The following TLL1 variants were observed in gnomAD, a reference collection of about 807,000 sequenced individuals.
TLL1 encodes tolloid like 1.
A neutral mutation model predicts 128.2 loss-of-function variants in TLL1; 49 were observed. That is an observed-to-expected ratio of 0.38 (90% CI 0.30 to 0.48). TLL1 has a LOEUF of 0.48. Ranked by LOEUF, TLL1 falls within the 20% of genes least tolerant of loss-of-function variation. The probability of loss-of-function intolerance (pLI) is 0.96; values close to 1 mark genes in which losing one functional copy is unlikely to be tolerated. For synonymous variants in TLL1, 454 were observed against 418.8 expected (o/e 1.08, Z -1.03); for missense variants, 1,123 against 1,242.0 (o/e 0.90, Z 1.44).
intron 1 of TLL1, among the ~76,000 whole-genome samples, chr4:165,880,842 T>C (rs972616652): frequency 2.6e-5 from 4 of 152,220 alleles, no homozygotes; most frequent in Non-Finnish European, 5.9e-5. Context: ...AGCACATGGA[T>C]TGTGTACCAC....
At chr4:166,049,756 T>C (rs1343256714) in intron 12 of TLL1, among the ~76,000 whole-genome samples, 1 of 151,316 alleles carries the variant, frequency 6.6e-6, no homozygotes, top group African/African-American at 2.4e-5. Context: ...TTTTATTCAA[T>C]GTTCCTTTTG....
intron 12 of TLL1, among the ~76,000 whole-genome samples, chr4:166,048,238 G>GAAAAAA (rs56801648): frequency 9.9e-6 from 1 of 100,678 alleles, no homozygotes; most frequent in Admixed American, 1.2e-4. Context: ...TTCCGTCTCG[G>GAAAAAA]AAAAAAAAAA....
chr4:166,007,215 G>C (rs28420204), intron 6 of TLL1, among the ~76,000 whole-genome samples: 401 of 151,584 alleles, frequency 2.6e-3, no homozygotes, highest in African/African-American at 9.1e-3. Flanking sequence ...TTCAAATTTC[G>C]AGAAATAATA....
In TLL1 at chr4:166,103,803, T is replaced by G. The variant is rs1742391512; in HGVS notation, c.*2927T>G. ...CCACCCTACATCAGTATATTGGTTG[T>G]GCTTTATATTTGCCAAAGTCCTAAC... is the stretch of plus-strand genomic sequence containing the variant. On this transcript the variant is annotated 3_prime_UTR_variant, in exon 21 of 21. Coordinates refer to ENST00000061240, the MANE Select transcript of TLL1 (RefSeq NM_012464.5). 1 of 150,484 alleles carries G rather than the reference T, an allele frequency of 6.6e-6. No homozygotes were observed. The highest frequency in any genetic ancestry group is 1.5e-5 in the Non-Finnish European group (1 of 67,662). The allele number at this position is 150,484 out of a possible 1,614,324, so 9.3% of individuals were successfully genotyped here.
At chr4:166,029,625 G>A (rs936771668) in intron 9 of TLL1, among the ~76,000 whole-genome samples, 3 of 151,830 alleles carry the variant, frequency 2.0e-5, no homozygotes, top group East Asian at 1.9e-4. Flanking sequence ...TTTTCATCTC[G>A]CAAAACTGCA....
chr4:165,995,239 A>C lies in TLL1; in HGVS notation c.632+61A>C, dbSNP rs2111019664. 6.8e-6 allele frequency: 8 copies of C among 1,168,050 alleles called. No homozygotes were observed. The South Asian group carries it at 9.8e-5, about 14-fold the overall frequency. 72.4% of individuals were successfully genotyped at this position (1,168,050 alleles called of 1,614,324 possible). ...AAAAAAATTAAAAGGAAAACAATTA[A>C]ATGTCCATAGGTAAGATTTATTTCT... On this transcript the variant is annotated intron_variant, in intron 5 of 20. Coordinates refer to ENST00000061240, the MANE Select transcript of TLL1 (RefSeq NM_012464.5).
At chr4:166,021,742 T>C (rs776564370) in intron 8 of TLL1, among the ~76,000 whole-genome samples, 11 of 152,184 alleles carry the variant, frequency 7.2e-5, no homozygotes, top group Non-Finnish European at 1.6e-4. Flanking sequence ...ATTTTTGCCC[T>C]CTTAGTATCT....
chr4:166,097,260 T>C (rs909628572), intron 19 of TLL1, among the ~76,000 whole-genome samples: 1 of 152,086 alleles, frequency 6.6e-6, no homozygotes, highest in South Asian at 2.1e-4. Flanking sequence ...AAAACCACCG[T>C]AGTGGGAAAG....
intron 1 of TLL1, among the ~76,000 whole-genome samples, chr4:165,925,748 G>A (rs1436433896): frequency 1.3e-5 from 2 of 152,174 alleles, no homozygotes; most frequent in East Asian, 3.9e-4. Flanking sequence ...CCTTGTGAAA[G>A]AGTCAATTGA....
At chr4:165,897,662 CTTTTTT>C (rs951819686) in intron 1 of TLL1, among the ~76,000 whole-genome samples, 1 of 47,542 alleles carries the variant, frequency 2.1e-5, no homozygotes, top group Non-Finnish European at 3.5e-5. Flanking sequence ...GGTAGTCCAG[CTTTTTT>C]TTTTTTTTTT....
rs75507513 is a variant in TLL1, at chr4:165,991,792, C to A, written c.281-1012C>A. On this transcript the variant is annotated intron_variant, in intron 2 of 20. Transcript: ENST00000061240. ...GTTGTCGTCGTGGAATTATAGCTTTCTTTGTCTTAGCCCAAAGATACTCTA... is the reference window on the plus strand; with the variant it reads ...GTTGTCGTCGTGGAATTATAGCTTTATTTGTCTTAGCCCAAAGATACTCTA... 3.8e-3 allele frequency among the ~76,000 whole-genome samples: 571 copies of A among 152,038 alleles called. 14 individuals carry two copies. The East Asian group carries it at 0.059, about 16-fold the overall frequency.
At chr4:166,069,310 A>C (rs1740708604) in intron 16 of TLL1, among the ~76,000 whole-genome samples, 1 of 151,868 alleles carries the variant, frequency 6.6e-6, no homozygotes, top group African/African-American at 2.4e-5. Flanking sequence ...TGTTCTAAAA[A>C]TTTCCGAAGT....
Position 166,049,074 on chromosome 4 carries a change from C to T in TLL1, c.1524+5655C>T, listed in dbSNP as rs571179712. Reference sequence around the variant, plus strand: ...GTTTTAATTAGTTAAGGATTTTCTGCTTGCCATGTACTGTTTCTGGGAACT... The same window carrying T: ...GTTTTAATTAGTTAAGGATTTTCTGTTTGCCATGTACTGTTTCTGGGAACT... On this transcript the variant is annotated intron_variant, in intron 12 of 20. Transcript: ENST00000061240. Among the ~76,000 whole-genome samples the T allele has an allele frequency of 3.3e-4, 50 of 152,244 alleles. No individual in the cohort carries two copies. The South Asian group carries it at 0.01, about 32-fold the overall frequency.
chr4:165,942,129 A>G (rs1032285714), intron 1 of TLL1, among the ~76,000 whole-genome samples: 2 of 152,020 alleles, frequency 1.3e-5, no homozygotes, highest in Non-Finnish European at 2.9e-5. Flanking sequence ...CATTTTGCTG[A>G]TATATTTTTA....
chr4:165,944,504 C>A (rs991105193), intron 1 of TLL1, among the ~76,000 whole-genome samples: 1 of 152,120 alleles, frequency 6.6e-6, no homozygotes, highest in African/African-American at 2.4e-5. Context: ...AGATTATCAA[C>A]TTTATCAGGG....
At chr4:166,018,002 A>G (rs17689952) in intron 8 of TLL1, among the ~76,000 whole-genome samples, 29,164 of 148,928 alleles carry the variant, frequency 0.2, 3,131 homozygotes, top group East Asian at 0.37. Context: ...TGTACATGTG[A>G]GTCTTAATAG....
intron 18 of TLL1, among the ~76,000 whole-genome samples, chr4:166,081,353 A>G (rs1050033835): frequency 4.6e-5 from 7 of 152,128 alleles, no homozygotes; most frequent in African/African-American, 1.4e-4. Context: ...AAGGATTACA[A>G]TGAGGCTTCA....
intron 1 of TLL1, among the ~76,000 whole-genome samples, chr4:165,931,447 G>C (rs571242290): frequency 3.2e-4 from 48 of 152,214 alleles, no homozygotes; most frequent in Middle Eastern, 6.8e-3. Context: ...GGCCAGGCGT[G>C]GTCATTCACA....
At chr4:165,930,363 AG>A (rs1358143602) in intron 1 of TLL1, among the ~76,000 whole-genome samples, 2 of 152,346 alleles carry the variant, frequency 1.3e-5, no homozygotes, top group Non-Finnish European at 2.9e-5. Context: ...GAGAATTTAA[AG>A]TATTCTGAGT....
Sources: gnomAD v4.1 joint callset for allele counts (sites outside exome capture counted in the v4.1 genomes callset) on GRCh38, gnomAD v4.1.1 for gene constraint, MANE v1.5 for transcripts, NCBI Gene and HGNC (gene_info 2026-07-23, HGNC 2026-07-21) for gene names.